Variants in SPOCK1 observed in about 807,000 individuals in gnomAD.
SPOCK1 encodes the protein SPARC (osteonectin), cwcv and kazal like domains proteoglycan 1.
A neutral mutation model predicts 55.3 loss-of-function variants in SPOCK1; 23 were observed. That is an observed-to-expected ratio of 0.42 (90% confidence interval 0.30 to 0.59). The LOEUF (loss-of-function observed/expected upper bound fraction) is 0.59. Ranked by LOEUF, SPOCK1 falls within the 20% of genes least tolerant of loss-of-function variation. The probability of loss-of-function intolerance (pLI) is 0.22; values close to 1 mark genes in which losing one functional copy is unlikely to be tolerated. For missense variants in SPOCK1, 499 were observed against 552.5 expected, an observed-to-expected ratio of 0.90 and a Z score of 0.97; for synonymous variants, 226 against 221.0, an observed-to-expected ratio of 1.02 and a Z score of -0.20.
At chr5:137,240,243 G>A (rs1462230644) in intron 3 of SPOCK1, among the ~76,000 whole-genome samples, 3 of 152,174 alleles carry the variant, frequency 2.0e-5, no homozygotes, top group African/African-American at 7.2e-5. Flanking sequence ...ATCTGAGACT[G>A]TGGTAATTTA....
At chr5:137,316,772 A>C (rs1757886777) in intron 2 of SPOCK1, among the ~76,000 whole-genome samples, 1 of 152,168 alleles carries the variant, frequency 6.6e-6, no homozygotes, top group Non-Finnish European at 1.5e-5. Context: ...ATTGCAGGAA[A>C]CCAGAATTCT....
chr5:137,377,789 G>A lies in SPOCK1; in HGVS notation c.187-110734C>T, dbSNP rs543458945. 2.3e-4 allele frequency among the ~76,000 whole-genome samples: 35 copies of A among 151,988 alleles called. 1 individual carries two copies. The South Asian group carries it at 6.8e-3, about 30-fold the overall frequency. On this transcript the variant is annotated intron_variant, in intron 2 of 10. Coordinates refer to ENST00000394945, the MANE Select transcript of SPOCK1 (RefSeq NM_004598.4). ...GAAACCCCTTGACATTCTCTACAATGGACAGGTTCCAAGATCAACAAATGA... is the reference window on the plus strand; with the variant it reads ...GAAACCCCTTGACATTCTCTACAATAGACAGGTTCCAAGATCAACAAATGA...
intron 3 of SPOCK1, among the ~76,000 whole-genome samples, chr5:137,218,910 G>GA (rs1484644342): frequency 2.6e-5 from 4 of 152,106 alleles, no homozygotes; most frequent in Non-Finnish European, 4.4e-5. Flanking sequence ...CATCAACAAG[G>GA]AAAAAAGCAG....
chr5:137,377,090 G>A (rs746987385), intron 2 of SPOCK1, among the ~76,000 whole-genome samples: 9 of 152,146 alleles, frequency 5.9e-5, no homozygotes, highest in South Asian at 2.1e-4. Flanking sequence ...AGGAACCGAC[G>A]GGCAGTGGAT....
intron 3 of SPOCK1, among the ~76,000 whole-genome samples, chr5:137,236,494 A>G (rs1756184266): frequency 6.6e-6 from 1 of 152,230 alleles, no homozygotes; most frequent in Non-Finnish European, 1.5e-5. Flanking sequence ...GACAGGAGGT[A>G]TGTGAACCTC....
intron 2 of SPOCK1, among the ~76,000 whole-genome samples, chr5:137,275,877 T>C (rs940912330): frequency 9.2e-5 from 14 of 152,222 alleles, no homozygotes; most frequent in African/African-American, 3.4e-4. Flanking sequence ...CTTGCACTCC[T>C]GGGTCTCTTT....
chr5:137,136,047 C>T (rs1324299354), intron 4 of SPOCK1, among the ~76,000 whole-genome samples: 2 of 152,190 alleles, frequency 1.3e-5, no homozygotes, highest in Admixed American at 6.5e-5. Flanking sequence ...CTCAGAGTGA[C>T]TTGTCTTTTT....
chr5:137,034,205 C>T (rs149452330), intron 6 of SPOCK1, among the ~76,000 whole-genome samples: 1 of 152,308 alleles, frequency 6.6e-6, no homozygotes, highest in Non-Finnish European at 1.5e-5. Context: ...CCTCAAGGAG[C>T]CCTTGACCTA....
chr5:137,276,139 C>G (rs1160798699), intron 2 of SPOCK1, among the ~76,000 whole-genome samples: 1 of 152,222 alleles, frequency 6.6e-6, no homozygotes, highest in Non-Finnish European at 1.5e-5. Flanking sequence ...ACCTGCTGAG[C>G]CTTGCAGTCA....
chr5:137,019,623 T>TA (rs1437522983), intron 6 of SPOCK1, among the ~76,000 whole-genome samples: 1 of 152,064 alleles, frequency 6.6e-6, no homozygotes, highest in Non-Finnish European at 1.5e-5. Context: ...TGATTGCTAT[T>TA]TGCCAAGATT....
chr5:137,097,116 C>T lies in SPOCK1; in HGVS notation c.474+15319G>A, dbSNP rs116837680. On this transcript the variant is annotated intron_variant, in intron 5 of 10. Transcript: ENST00000394945. Reference sequence around the variant, plus strand: ...AATGTAGTACTAGTACTAGTGTTCACGCAAATCACACCTACTTACACACAG... The same window carrying T: ...AATGTAGTACTAGTACTAGTGTTCATGCAAATCACACCTACTTACACACAG... Among the ~76,000 whole-genome samples the T allele has an allele frequency of 7.8e-3, 1,193 of 152,024 alleles. 17 individuals carry two copies. Among genetic ancestry groups the T allele is most frequent in the African/African-American group, 0.027 (1,102 of 41,516 alleles).
chr5:137,026,621 C>CCA (rs149820839), intron 6 of SPOCK1, among the ~76,000 whole-genome samples: 6,878 of 152,200 alleles, frequency 0.045, 182 homozygotes, highest in South Asian at 0.12. Context: ...CTTTTTCTGT[C>CCA]CACACACACA....
chr5:136,982,791 A>G, intron 9 of SPOCK1, among the ~76,000 whole-genome samples: 1 of 152,184 alleles, frequency 6.6e-6, no homozygotes, highest in East Asian at 1.9e-4. Context: ...TTTGTTTGGT[A>G]GAATAAATCC....
chr5:137,040,886 C>T (rs1751983572), intron 6 of SPOCK1, among the ~76,000 whole-genome samples: 1 of 152,202 alleles, frequency 6.6e-6, no homozygotes, highest in Non-Finnish European at 1.5e-5. Flanking sequence ...ATTGTTCCTA[C>T]TGTCCTTCTA....
chr5:137,096,436 C>T (rs569295119), intron 5 of SPOCK1, among the ~76,000 whole-genome samples: 30 of 152,314 alleles, frequency 2.0e-4, no homozygotes, highest in Admixed American at 4.6e-4. Context: ...TCCACCTCAT[C>T]CCACCAACAC....
intron 5 of SPOCK1, among the ~76,000 whole-genome samples, chr5:137,087,850 G>A (rs184465044): frequency 2.4e-5 from 3 of 124,598 alleles, no homozygotes; most frequent in African/African-American, 8.7e-5. Flanking sequence ...AGAAAAAAGT[G>A]TGTAAACCAA....
chr5:136,992,303 TA>T (rs1750963640), intron 7 of SPOCK1, among the ~76,000 whole-genome samples, 180 bp downstream of exon 7: 1 of 152,208 alleles, frequency 6.6e-6, no homozygotes, highest in African/African-American at 2.4e-5. Flanking sequence ...TGAGATCATA[TA>T]TTTTTTTCAA....
chr5:137,149,797 A>C (rs1043110095), intron 3 of SPOCK1, among the ~76,000 whole-genome samples: 1 of 152,230 alleles, frequency 6.6e-6, no homozygotes, highest in Non-Finnish European at 1.5e-5. Context: ...CTAGAAGATA[A>C]GAACCCAAAG....
At chr5:137,351,949 T>A (rs1161347081) in intron 2 of SPOCK1, among the ~76,000 whole-genome samples, 1 of 152,174 alleles carries the variant, frequency 6.6e-6, no homozygotes, top group Non-Finnish European at 1.5e-5. Context: ...GAAGCTACTT[T>A]TCTGGAGGCT....
Sources: gnomAD v4.1 joint callset for allele counts (sites outside exome capture counted in the v4.1 genomes callset) on GRCh38, gnomAD v4.1.1 for gene constraint, MANE v1.5 for transcripts, NCBI Gene and HGNC (gene_info 2026-07-23, HGNC 2026-07-21) for gene names.